The following REV1 variants were observed in gnomAD, a reference collection of about 807,000 sequenced individuals.
REV1 encodes translesion synthesis protein REV1.
In REV1, 42 loss-of-function variants were observed where a neutral mutation model predicts 137.4. The observed-to-expected ratio is 0.31, with a 90% CI of 0.24 to 0.40. The LOEUF is 0.40. REV1 is among the 10% of genes least tolerant of loss of function. The probability of loss-of-function intolerance (pLI) is 1.00; values close to 1 mark genes in which losing one functional copy is unlikely to be tolerated. For missense variants in REV1, 1,282 were observed against 1,490.1 expected (o/e 0.86, Z 2.30); for synonymous variants, 524 against 519.2 (o/e 1.01, Z -0.12).
Position 99,405,964 on chromosome 2 carries a change from A to G in REV1, c.2757T>C (p.Pro919=). The stretch of plus-strand genomic sequence containing the variant: ...GGTTAAGTCTCGACTGCACACTGAC[A>G]GGAGTATGTAGACCATTCCATTTCC... ...SSGKWNGLHT[P]VSVQSRLNLS... The change falls in exon 17 of 23, where the codon CCT becomes CCC. Residue 919 remains proline, a synonymous_variant. Coordinates refer to ENST00000258428, the MANE Select transcript of REV1 (RefSeq NM_016316.4). 7 of 1,612,252 alleles carry G rather than the reference A, an allele frequency of 4.3e-6. No homozygotes were observed. The highest frequency in any genetic ancestry group is 5.9e-6 in the Non-Finnish European group (7 of 1,179,110).
intron 9 of REV1, 87 bp downstream of exon 9, chr2:99,429,753 A>G (rs565655667): frequency 5.8e-6 from 4 of 689,782 alleles, no homozygotes; most frequent in Non-Finnish European, 8.4e-6. Context: ...ATTTAAATCC[A>G]CTTCAAAAGA....
At chr2:99,481,954 A>G (rs184444706) in intron 1 of REV1, among the ~76,000 whole-genome samples, 10 of 152,326 alleles carry the variant, frequency 6.6e-5, no homozygotes, top group Admixed American at 3.3e-4. Context: ...TTTGTTATCC[A>G]TGAATCCATA....
At chr2:99,482,778 G>A (rs548946220) in intron 1 of REV1, among the ~76,000 whole-genome samples, 4 of 152,122 alleles carry the variant, frequency 2.6e-5, no homozygotes, top group Non-Finnish European at 5.9e-5. Context: ...CACTTTGGGA[G>A]GCCGAGGCAG....
chr2:99,420,848 T>A (rs1678564124), intron 11 of REV1, among the ~76,000 whole-genome samples: 1 of 152,022 alleles, frequency 6.6e-6, no homozygotes, highest in African/African-American at 2.4e-5. Context: ...CTGGCTCTAG[T>A]AACAGAATGG....
At chr2:99,429,298 T>A (rs1679806414) in intron 9 of REV1, among the ~76,000 whole-genome samples, 1 of 152,186 alleles carries the variant, frequency 6.6e-6, no homozygotes, top group African/African-American at 2.4e-5. Context: ...TGGTTTCAGA[T>A]CACTATAAGA....
chr2:99,412,981 G>A, intron 12 of REV1, 30 bp from the exon 13 acceptor site: 1 of 1,478,658 alleles, frequency 6.8e-7, no homozygotes, highest in African/African-American at 1.4e-5. Context: ...TAAGTATGCA[G>A]AATAAGCTAC....
intron 1 of REV1, among the ~76,000 whole-genome samples, chr2:99,474,798 G>A (rs1335263101): frequency 1.3e-5 from 2 of 152,016 alleles, no homozygotes; most frequent in African/African-American, 4.8e-5. Context: ...GCTACTTGGG[G>A]GACTGAGGCA....
intron 3 of REV1, among the ~76,000 whole-genome samples, chr2:99,461,377 A>G (rs1192899140): frequency 1.3e-5 from 2 of 152,246 alleles, no homozygotes; most frequent in Non-Finnish European, 2.9e-5. Context: ...CTTGTCCAGT[A>G]AACAGACAAC....
chr2:99,458,968 G>A (rs1181895438), intron 3 of REV1, among the ~76,000 whole-genome samples: 1 of 152,014 alleles, frequency 6.6e-6, no homozygotes, highest in African/African-American at 2.4e-5. Flanking sequence ...CAGCACTTTG[G>A]GAGGCCAAGG....
chr2:99,432,658 A>G (rs2104747811), intron 8 of REV1, among the ~76,000 whole-genome samples: 1 of 152,344 alleles, frequency 6.6e-6, no homozygotes, highest in East Asian at 1.9e-4. Flanking sequence ...ATCTTTTTCT[A>G]GTGACGGGAC....
In REV1 at chr2:99,451,531, T is replaced by C. The variant is rs373600558; in HGVS notation, c.182-2027A>G. On this transcript the variant is annotated intron_variant, in intron 3 of 22. Coordinates refer to ENST00000258428, the MANE Select transcript of REV1 (RefSeq NM_016316.4). Reference sequence around the variant, plus strand: ...TTAAAAGGCAAGATCACATAAACTATGGAATAAGACCGATCTGAGTTTAAT... The same window carrying C: ...TTAAAAGGCAAGATCACATAAACTACGGAATAAGACCGATCTGAGTTTAAT... 967 of 1,278,792 alleles carry C rather than the reference T, an allele frequency of 7.6e-4. 15 individuals carry two copies. The South Asian group carries it at 0.011, about 15-fold the overall frequency. The allele number at this position is 1,278,792 out of a possible 1,614,324, so 79.2% of individuals were successfully genotyped here.
intron 5 of REV1, among the ~76,000 whole-genome samples, 154 bp downstream of exon 5, chr2:99,442,163 A>T (rs1331790524): frequency 6.7e-6 from 1 of 149,682 alleles, no homozygotes; most frequent in Non-Finnish European, 1.5e-5. Flanking sequence ...GAGGCAGGAG[A>T]ATCACTTGAA....
chr2:99,410,998 G>C (rs757551748), intron 13 of REV1, 131 bp from the exon 14 acceptor site: 40 of 828,090 alleles, frequency 4.8e-5, no homozygotes, highest in Non-Finnish European at 6.8e-5. Flanking sequence ...CTATTAAAAA[G>C]AAACGTGGCC....
chr2:99,447,961 G>A (rs1294578950), intron 4 of REV1, among the ~76,000 whole-genome samples: 1 of 152,062 alleles, frequency 6.6e-6, no homozygotes. Flanking sequence ...CTCCCAAAGT[G>A]CTGGGATTAC....
intron 3 of REV1, among the ~76,000 whole-genome samples, chr2:99,459,143 G>T (rs1015671567): frequency 1.3e-5 from 2 of 151,838 alleles, no homozygotes; most frequent in Admixed American, 6.6e-5. Context: ...GGGAGGCAGA[G>T]CTTGCAGTGA....
chr2:99,454,455 C>G (rs1448784214), intron 3 of REV1, among the ~76,000 whole-genome samples: 1 of 147,602 alleles, frequency 6.8e-6, no homozygotes, highest in Non-Finnish European at 1.5e-5. Context: ...GAGGCTGAGG[C>G]AGGAGAACCA....
At chr2:99,421,355 T>A in intron 11 of REV1, 144 bp downstream of exon 11, 1 of 593,040 alleles carries the variant, frequency 1.7e-6, no homozygotes, top group Admixed American at 3.2e-5. Context: ...AGCACTTATC[T>A]CGTGTGTCAC....
At chr2:99,409,455 T>G (rs1326627698) in intron 14 of REV1, among the ~76,000 whole-genome samples, 1 of 152,200 alleles carries the variant, frequency 6.6e-6, no homozygotes, top group Non-Finnish European at 1.5e-5. Flanking sequence ...TGAAATACAG[T>G]GCAATATAAA....
chr2:99,458,194 T>A (rs1358371812), intron 3 of REV1, among the ~76,000 whole-genome samples: 1 of 152,080 alleles, frequency 6.6e-6, no homozygotes, highest in East Asian at 1.9e-4. Context: ...ACCACTTTTA[T>A]GACAAAGCAG....
Sources: allele counts gnomAD v4.1 joint callset (sites outside exome capture counted in the v4.1 genomes callset), GRCh38; gene constraint gnomAD v4.1.1; transcripts MANE v1.5; gene names NCBI Gene and HGNC (gene_info 2026-07-23, HGNC 2026-07-21).